Variants in YBEY observed in about 807,000 individuals in gnomAD.
The protein encoded by YBEY is endoribonuclease YbeY.
A neutral mutation model predicts 13.5 loss-of-function variants in YBEY; 15 were observed. The ratio of observed to expected loss-of-function variants is 1.11; its 90% confidence interval spans 0.75 to 1.72. The LOEUF is 1.72. YBEY is among the 40% of genes most tolerant of loss of function. The pLI, the probability that YBEY is intolerant of heterozygous loss-of-function variation, is 0.00. For missense variants in YBEY, 244 were observed against 208.4 expected (o/e 1.17, Z -1.05); for synonymous variants, 101 against 83.1 (o/e 1.21, Z -1.17).
chr21:46,294,657 C>T (rs1420915544), intron 3 of YBEY, among the ~76,000 whole-genome samples: 1 of 119,522 alleles, frequency 8.4e-6, no homozygotes, highest in African/African-American at 2.7e-5. Context: ...AAATTCCTCC[C>T]GCGGTTAGCC....
chr21:46,300,827 T>C, downstream of YBEY: 2 of 1,246,258 alleles, frequency 1.6e-6, no homozygotes. Flanking sequence ...TTATGTATAC[T>C]ACTTAAAAAT....
At chr21:46,298,930 C>T (rs191577338), downstream of YBEY, among the ~76,000 whole-genome samples, 15 of 151,980 alleles carry the variant, frequency 9.9e-5, no homozygotes, top group East Asian at 2.9e-3. Flanking sequence ...CTGTGTTGAC[C>T]AGGCTGGGCT....
chr21:46,312,581 A>C, the YBEY span, among the ~76,000 whole-genome samples: 1 of 152,248 alleles, frequency 6.6e-6, no homozygotes, highest in Non-Finnish European at 1.5e-5. Context: ...ACCAACCAAC[A>C]GTGTCCAGGC....
At chr21:46,308,342 T>A in the YBEY span, among the ~76,000 whole-genome samples, 1 of 151,298 alleles carries the variant, frequency 6.6e-6, no homozygotes, top group African/African-American at 2.4e-5. Context: ...ATGCCTGTAA[T>A]CCCAGCTGCT....
At chr21:46,287,481 G>A (rs1014313962) in intron 2 of YBEY, among the ~76,000 whole-genome samples, 3 of 152,146 alleles carry the variant, frequency 2.0e-5, no homozygotes, top group Admixed American at 6.6e-5. Context: ...GATTACAGGC[G>A]TGAGCCAGAG....
downstream of YBEY, chr21:46,297,767 T>C: frequency 8.1e-7 from 1 of 1,240,342 alleles, no homozygotes; most frequent in East Asian, 3.2e-5. Context: ...CATCGGGTAT[T>C]TTTCGTTATT....
At chr21:46,298,676 A>G (rs182867974), downstream of YBEY, among the ~76,000 whole-genome samples, 55 of 151,188 alleles carry the variant, frequency 3.6e-4, 1 homozygote, top group East Asian at 8.6e-3. Context: ...TGATCCGCCC[A>G]CCTCGGCCTC....
the YBEY span, among the ~76,000 whole-genome samples, chr21:46,303,723 ATATATATATATATATATATATATTTT>A: frequency 3.1e-4 from 7 of 22,638 alleles, no homozygotes; most frequent in East Asian, 5.0e-3. Flanking sequence ...ATATATATAT[ATATATATATATATATATATATATTTT>A]TTTTTTTTTT....
At chr21:46,301,760 G>A, downstream of YBEY, 1 of 1,225,960 alleles carries the variant, frequency 8.2e-7, no homozygotes, top group Non-Finnish European at 1.0e-6. Flanking sequence ...CCCTGGTGGG[G>A]TTCACAGGCC....
At chr21:46,305,323 T>G in the YBEY span, among the ~76,000 whole-genome samples, 1 of 149,058 alleles carries the variant, frequency 6.7e-6, no homozygotes, top group African/African-American at 2.5e-5. Context: ...AATCACAAAT[T>G]AATCTTTTTT....
chr21:46,291,302 G>C, intron 2 of YBEY, 32 bp from the exon 3 acceptor site: 1 of 1,612,054 alleles, frequency 6.2e-7, no homozygotes, highest in Non-Finnish European at 8.5e-7. Flanking sequence ...TACGTTTCCT[G>C]TTCTCTAAGT....
downstream of YBEY, among the ~76,000 whole-genome samples, chr21:46,298,796 C>T (rs1009780528): frequency 4.6e-5 from 7 of 151,876 alleles, no homozygotes. Context: ...GCAGTCTCGG[C>T]TCACTGTAAC....
downstream of YBEY, among the ~76,000 whole-genome samples, chr21:46,298,872 G>A (rs561172050): frequency 3.0e-4 from 46 of 152,068 alleles, no homozygotes; most frequent in Non-Finnish European, 5.3e-4. Context: ...CTACAAGTGC[G>A]CACCACTACG....
At chr21:46,304,804 G>A in the YBEY span, among the ~76,000 whole-genome samples, 1 of 152,208 alleles carries the variant, frequency 6.6e-6, no homozygotes, top group Non-Finnish European at 1.5e-5. Flanking sequence ...CTTGAGCGGG[G>A]ACGGAAGCAA....
At chr21:46,302,364 C>G (rs377199505), downstream of YBEY, 166 of 1,081,900 alleles carry the variant, frequency 1.5e-4, no homozygotes, top group African/African-American at 2.3e-3. Flanking sequence ...GCTTCACAGC[C>G]AGACTGTAGA....
chr21:46,300,956 C>G (rs2082086448), downstream of YBEY, among the ~76,000 whole-genome samples: 1 of 152,098 alleles, frequency 6.6e-6, no homozygotes, highest in South Asian at 2.1e-4. Flanking sequence ...CCCCACAGCA[C>G]AGAAGGAAAC....
At chr21:46,304,005 C>A in the YBEY span, among the ~76,000 whole-genome samples, 1 of 136,134 alleles carries the variant, frequency 7.3e-6, no homozygotes, top group South Asian at 2.4e-4. Flanking sequence ...CCTGCCTTGG[C>A]TTCCCAAAGT....
At chr21:46,300,508 G>A (rs778298137), downstream of YBEY, 95 of 338,118 alleles carry the variant, frequency 2.8e-4, no homozygotes, top group Non-Finnish European at 4.1e-4. Flanking sequence ...TGGAGTCTGA[G>A]CTTTGGTTTG....
At chr21:46,297,064 C>T (rs1465024959) in intron 4 of YBEY, among the ~76,000 whole-genome samples, 1 of 152,042 alleles carries the variant, frequency 6.6e-6, no homozygotes, top group East Asian at 1.9e-4. Context: ...TTTGGGAGGC[C>T]GAGGAGGGTG....
Sources: gnomAD v4.1 joint callset for allele counts (sites outside exome capture counted in the v4.1 genomes callset) on GRCh38, gnomAD v4.1.1 for gene constraint, MANE v1.5 for transcripts, NCBI Gene and HGNC (gene_info 2026-07-23, HGNC 2026-07-21) for gene names.